JPH3: variants seen among roughly 807,000 people sequenced by gnomAD.
JPH3 encodes the protein junctophilin 3, also known as junctophilin-3.
Under a neutral mutation model 59.6 loss-of-function variants are expected in JPH3, and 11 were observed. The ratio of observed to expected loss-of-function variants is 0.18; its 90% CI spans 0.12 to 0.31. JPH3 has a LOEUF of 0.31. Ranked by LOEUF, JPH3 falls within the 10% of genes least tolerant of loss-of-function variation. JPH3 has a pLI of 1.00. For missense variants in JPH3, 1,202 were observed against 1,105.7 expected, an observed-to-expected ratio of 1.09 and a Z score of -1.24; for synonymous variants, 673 against 483.6, an observed-to-expected ratio of 1.39 and a Z score of -5.14.
At chr16:87,692,756 C>A (rs930526191) in intron 4 of JPH3, among the ~76,000 whole-genome samples, 3 of 152,210 alleles carry the variant, frequency 2.0e-5, no homozygotes, top group Non-Finnish European at 4.4e-5. Context: ...ATGGATATGA[C>A]CTGATGGTGG....
At position 87,689,803 on chromosome 16, in the gene JPH3, C is replaced by A; in HGVS notation, c.1443C>A (p.Pro481=). ...ACGACAGCCCCCTGCAGAGCTTCCC[C>A]ACCAGCCCCGCGGCCACCCCGCCGC... is the stretch of plus-strand genomic sequence containing the variant. ...TPDDSPLQSF[P]TSPAATPPPA... Residue 481 remains proline, a synonymous_variant, in exon 4 of 5, where the codon CCC becomes CCA. Transcript: ENST00000284262. 1 of 1,594,180 alleles carries A rather than the reference C, an allele frequency of 6.3e-7. No homozygotes were observed. Among genetic ancestry groups the A allele is most frequent in the Non-Finnish European group, 8.5e-7 (1 of 1,170,196 alleles).
rs776719832 is a variant in JPH3, at chr16:87,644,343, C to A, written c.468C>A (p.Ile156=). 13 of 1,612,964 alleles carry A rather than the reference C, an allele frequency of 8.1e-6. No individual in the cohort carries two copies. Among genetic ancestry groups the A allele is most frequent in the Non-Finnish European group, 1.1e-5 (13 of 1,179,934 alleles). Residue 156 remains isoleucine (I), a synonymous_variant, in exon 2 of 5, where the codon ATC becomes ATA. Transcript: ENST00000284262. ...TCCCGTATGGCATGGCCGCGGTCAT[C>A]CGCTCACCCCTGAGGACGTCCATCA... ...QSVPYGMAAV[I]RSPLRTSINS...
chr16:87,666,390 A>ATT lies in JPH3; in HGVS notation c.1161-17740_1161-17739dup, dbSNP rs538663195. 1.5e-3 allele frequency among the ~76,000 whole-genome samples: 218 copies of ATT among 141,484 alleles called. 1 individual carries two copies. The highest frequency in any genetic ancestry group is 8.7e-3 in the Middle Eastern group (2 of 230). The allele number at this position is 141,484 out of a possible 152,430, so 92.8% of individuals were successfully genotyped here. On this transcript the variant is annotated intron_variant, in intron 2 of 4. Coordinates refer to ENST00000284262, the MANE Select transcript of JPH3 (RefSeq NM_020655.4). The stretch of plus-strand genomic sequence containing the variant: ...AGGCATGAGCCACCGCGCCTGGCCT[A>ATT]TTTTTTTTTTTTTCCCTTGGCAACA...
intron 2 of JPH3, among the ~76,000 whole-genome samples, chr16:87,661,329 C>A (rs909603286): frequency 2.0e-5 from 3 of 152,228 alleles, no homozygotes; most frequent in Admixed American, 2.0e-4. Flanking sequence ...TCCCTTTTGC[C>A]ACATAAGGGG....
chr16:87,634,646 C>T (rs58081598), intron 1 of JPH3, among the ~76,000 whole-genome samples: 11,771 of 152,242 alleles, frequency 0.077, 1,350 homozygotes, highest in African/African-American at 0.25. Context: ...TAAGCTGTGA[C>T]GGGAGGGGGG....
intron 2 of JPH3, among the ~76,000 whole-genome samples, chr16:87,656,668 G>A (rs538650390): frequency 6.6e-6 from 1 of 152,316 alleles, no homozygotes; most frequent in African/African-American, 2.4e-5. Flanking sequence ...GGCGGGTCAG[G>A]GGCAGTTAGG....
chr16:87,645,306 A>G (rs1451154491), intron 2 of JPH3, among the ~76,000 whole-genome samples: 1 of 152,150 alleles, frequency 6.6e-6, no homozygotes, highest in Non-Finnish European at 1.5e-5. Flanking sequence ...TCTTTGTTCT[A>G]TATGCTGATG....
At chr16:87,640,769 CAG>C (rs1173292918) in intron 1 of JPH3, among the ~76,000 whole-genome samples, 1 of 152,226 alleles carries the variant, frequency 6.6e-6, no homozygotes, top group Non-Finnish European at 1.5e-5. Flanking sequence ...ATCTGAAACT[CAG>C]ATGTTACCAG....
intron 1 of JPH3, among the ~76,000 whole-genome samples, chr16:87,610,823 G>A (rs1179409646): frequency 5.9e-5 from 9 of 152,324 alleles, no homozygotes; most frequent in East Asian, 1.9e-4. Context: ...TGACTGGGAG[G>A]CATTTTTGGA....
Position 87,603,559 on chromosome 16 carries a change from C to T in JPH3, c.382+31C>T, listed in dbSNP as rs759886936. The T allele has an allele frequency of 2.3e-5, 35 of 1,535,940 alleles. No homozygotes were observed. In the African/African-American group the frequency reaches 3.3e-4, roughly 15 times the overall value. Reference sequence around the variant, plus strand: ...TGCCGCGGGCCGGGCCGGGCCGGGGCGGGAGGGACGTGCTTCCGATCGCGC... The same window carrying T: ...TGCCGCGGGCCGGGCCGGGCCGGGGTGGGAGGGACGTGCTTCCGATCGCGC... On this transcript the variant is annotated intron_variant, in intron 1 of 4. Transcript: ENST00000284262.
intron 1 of JPH3, among the ~76,000 whole-genome samples, chr16:87,614,172 A>C (rs28529208): frequency 1.3e-5 from 2 of 151,402 alleles, no homozygotes; most frequent in African/African-American, 2.4e-5. Flanking sequence ...CCAGGATAAA[A>C]GCAGGTCCCT....
At chr16:87,649,415 C>G (rs1486764754) in intron 2 of JPH3, among the ~76,000 whole-genome samples, 1 of 152,226 alleles carries the variant, frequency 6.6e-6, no homozygotes, top group African/African-American at 2.4e-5. Flanking sequence ...CCTCGCTGTC[C>G]CCGGGTGGAC....
Position 87,684,250 on chromosome 16 carries a change from C to T in JPH3, c.1269C>T (p.Phe423=). Residue 423 remains phenylalanine, a synonymous_variant, in exon 3 of 5, where the codon TTC becomes TTT. Transcript: ENST00000284262. The part of the protein sequence containing the change: ...RITAKEFSPS[F]QHRENGLEYQ... ...CTGCCAAAGAGTTCTCCCCTTCCTT[C>T]CAGCACCGGGAAAACGGTGAGTCTC... 1 of 1,613,996 alleles carries T rather than the reference C, an allele frequency of 6.2e-7. No homozygotes were observed. Among genetic ancestry groups the T allele is most frequent in the East Asian group, 2.2e-5 (1 of 44,884 alleles).
intron 1 of JPH3, among the ~76,000 whole-genome samples, chr16:87,636,704 C>T (rs1349749783): frequency 1.3e-5 from 2 of 152,202 alleles, no homozygotes; most frequent in Non-Finnish European, 2.9e-5. Flanking sequence ...ATGTTCCCAC[C>T]AGGGGCAAAA....
intron 3 of JPH3, among the ~76,000 whole-genome samples, chr16:87,689,398 C>T (rs1328702691): frequency 6.6e-6 from 1 of 152,182 alleles, no homozygotes; most frequent in Non-Finnish European, 1.5e-5. Context: ...CTGCTGTCCG[C>T]CCTTCCTGTG....
chr16:87,640,903 C>T (rs2031927723), intron 1 of JPH3, among the ~76,000 whole-genome samples: 1 of 152,214 alleles, frequency 6.6e-6, no homozygotes, highest in Non-Finnish European at 1.5e-5. Flanking sequence ...TTGGACTGGC[C>T]ATGGGAAGGC....
At chr16:87,616,735 C>T (rs995021445) in intron 1 of JPH3, among the ~76,000 whole-genome samples, 6 of 152,266 alleles carry the variant, frequency 3.9e-5, no homozygotes, top group South Asian at 4.2e-4. Context: ...GGGGAGCACC[C>T]GCGCCCCGGG....
chr16:87,675,143 C>T (rs1051325127), intron 2 of JPH3, among the ~76,000 whole-genome samples: 4 of 151,756 alleles, frequency 2.6e-5, no homozygotes, highest in Non-Finnish European at 5.9e-5. Context: ...TTTCTACCAC[C>T]CCATGCCCCA....
intron 1 of JPH3, among the ~76,000 whole-genome samples, chr16:87,628,839 G>A (rs1251383317): frequency 6.6e-6 from 1 of 152,018 alleles, no homozygotes; most frequent in Non-Finnish European, 1.5e-5. Context: ...AGGTGTGGCT[G>A]GGAGGATGCT....
Sources: gnomAD v4.1 joint callset for allele counts (sites outside exome capture counted in the v4.1 genomes callset) on GRCh38, gnomAD v4.1.1 for gene constraint, MANE v1.5 for transcripts, NCBI Gene and HGNC (gene_info 2026-07-23, HGNC 2026-07-21) for gene names.